ELP2: variants seen among roughly 807,000 people sequenced by gnomAD.
ELP2 encodes elongator complex protein 2.
A neutral mutation model predicts 119.2 loss-of-function variants in ELP2; 90 were observed. That is an observed-to-expected ratio of 0.75 (90% confidence interval 0.64 to 0.90). ELP2 has a LOEUF of 0.90. ELP2 is among the 40% of genes least tolerant of loss of function. The pLI is 0.00. For synonymous variants in ELP2, 339 were observed against 331.0 expected, an observed-to-expected ratio of 1.02 and a Z score of -0.26; for missense variants, 921 against 967.8, an observed-to-expected ratio of 0.95 and a Z score of 0.64.
intron 11 of ELP2, among the ~76,000 whole-genome samples, chr18:36,149,673 G>A (rs2090335804): frequency 6.6e-6 from 1 of 151,820 alleles, no homozygotes; most frequent in Non-Finnish European, 1.5e-5. Context: ...CCTTTGGTAA[G>A]AACCGCATAG....
intron 1 of ELP2, among the ~76,000 whole-genome samples, chr18:36,131,679 G>C (rs1785903): frequency 0.37 from 56,005 of 152,104 alleles, 10,419 homozygotes; most frequent in Middle Eastern, 0.44. Flanking sequence ...CAAACTTGCC[G>C]CTATATCACA....
At chr18:36,172,375 C>T (rs1301999436) in intron 21 of ELP2, among the ~76,000 whole-genome samples, 2 of 152,166 alleles carry the variant, frequency 1.3e-5, no homozygotes. Context: ...TTTCAAATAG[C>T]AATTTCAAAT....
intron 5 of ELP2, among the ~76,000 whole-genome samples, chr18:36,139,139 G>A (rs2089934505): frequency 6.6e-6 from 1 of 152,170 alleles, no homozygotes; most frequent in South Asian, 2.1e-4. Flanking sequence ...CAAATATACT[G>A]TGGATGTATA....
chr18:36,169,440 G>GT (rs2091010716), intron 19 of ELP2, among the ~76,000 whole-genome samples: 1 of 150,398 alleles, frequency 6.6e-6, no homozygotes, highest in Non-Finnish European at 1.5e-5. Flanking sequence ...AGGCTGGAGT[G>GT]CAGTGGCACG....
intron 21 of ELP2, among the ~76,000 whole-genome samples, chr18:36,173,999 A>G (rs921919618): frequency 1.3e-5 from 2 of 152,224 alleles, no homozygotes; most frequent in African/African-American, 4.8e-5. Flanking sequence ...TTCATTGTGC[A>G]GTACATTAAA....
chr18:36,174,464 ATTTCTCTATCT>A lies in ELP2; in HGVS notation c.2325-18_2325-8del. 1.9e-6 allele frequency: 3 copies of A among 1,611,168 alleles called. No individual in the cohort carries two copies. The highest frequency in any genetic ancestry group is 1.7e-6 in the Non-Finnish European group (2 of 1,177,964). On this transcript the variant is annotated splice_polypyrimidine_tract_variant and intron_variant, in intron 21 of 21. Coordinates refer to ENST00000358232, the MANE Select transcript of ELP2 (RefSeq NM_018255.4). ...CCATTAATTGGAAAAACATTTCATG[ATTTCTCTATCT>A]TTGTTTTAGCCAAAGTCATACACTG...
intron 11 of ELP2, among the ~76,000 whole-genome samples, chr18:36,148,671 C>A (rs1241893653): frequency 6.6e-6 from 1 of 152,148 alleles, no homozygotes; most frequent in Non-Finnish European, 1.5e-5. Context: ...CCAGCCTGGG[C>A]AACATAGGGA....
chr18:36,173,959 G>A (rs911085516), intron 21 of ELP2, among the ~76,000 whole-genome samples: 2 of 152,198 alleles, frequency 1.3e-5, no homozygotes, highest in African/African-American at 2.4e-5. Context: ...AGGTCACGCA[G>A]TTAGAGGTCA....
chr18:36,145,835 A>G (rs1208784697), intron 9 of ELP2, 113 bp from the exon 10 acceptor site: 9 of 897,090 alleles, frequency 1.0e-5, no homozygotes, highest in African/African-American at 1.6e-5. Flanking sequence ...TGCTATTACA[A>G]ATAATGTGCA....
chr18:36,137,089 C>T (rs181872267), intron 3 of ELP2: 2 of 152,166 alleles, frequency 1.3e-5, no homozygotes, highest in South Asian at 2.1e-4. Context: ...GCAGAGTTAA[C>T]TTTCTGGTGA....
rs2091284699 is a variant in ELP2, at chr18:36,179,283, G to C, written c.*4642G>C. 7.4e-6 allele frequency: 1 copy of C among 134,474 alleles called. No individual in the cohort carries two copies. Among genetic ancestry groups the C allele is most frequent in the African/African-American group, 2.8e-5 (1 of 35,608 alleles). 8.3% of individuals were successfully genotyped at this position (134,474 alleles called of 1,614,324 possible). On this transcript the variant is annotated 3_prime_UTR_variant, in exon 22 of 22. Transcript: ENST00000358232. ...TCGAGACCAGCCTGGCCAACATGGTGAAACCCCATCTCTACTAAAAATACA... is the reference window on the plus strand; with the variant it reads ...TCGAGACCAGCCTGGCCAACATGGTCAAACCCCATCTCTACTAAAAATACA...
intron 4 of ELP2, 141 bp downstream of exon 4, chr18:36,138,567 G>A (rs2089914105): frequency 9.3e-7 from 1 of 1,076,546 alleles, no homozygotes; most frequent in Non-Finnish European, 1.3e-6. Flanking sequence ...TTTTTCTTTT[G>A]CACTTATTTA....
intron 19 of ELP2, among the ~76,000 whole-genome samples, chr18:36,168,540 A>C (rs527468117): frequency 6.6e-6 from 1 of 152,204 alleles, no homozygotes; most frequent in East Asian, 1.9e-4. Flanking sequence ...AGTGCTGAGC[A>C]AAAGGGGGAA....
intron 1 of ELP2, among the ~76,000 whole-genome samples, chr18:36,130,822 C>A (rs2089588154): frequency 6.6e-6 from 1 of 152,154 alleles, no homozygotes; most frequent in Non-Finnish European, 1.5e-5. Flanking sequence ...AAATACAACG[C>A]AGGAGATGGC....
chr18:36,166,319 G>GTTTTTTTTTTTTTTTTTTTTTTTTT (rs60477950), intron 18 of ELP2, among the ~76,000 whole-genome samples: 1 of 71,692 alleles, frequency 1.4e-5, no homozygotes, highest in African/African-American at 5.6e-5. Flanking sequence ...GTTTTTTAGG[G>GTTTTTTTTTTTTTTTTTTTTTTTTT]TTTTTTTTTT....
chr18:36,166,319 GTTTTTTTTTTTT>G lies in ELP2; in HGVS notation c.1955-765_1955-754del, dbSNP rs60477950. On this transcript the variant is annotated intron_variant, in intron 18 of 21. Transcript: ENST00000358232. ...AGTTATGTGGTTTTTGTTTTTTAGG[GTTTTTTTTTTTT>G]TTTTTTTTTTTTTTTTCAGACGGAG... Among the ~76,000 whole-genome samples, 234 of 71,688 alleles carry G rather than the reference GTTTTTTTTTTTT, an allele frequency of 3.3e-3. 4 individuals carry two copies. The highest frequency in any genetic ancestry group is 0.012 in the African/African-American group (221 of 17,964). 47.0% of individuals were successfully genotyped at this position (71,688 alleles called of 152,430 possible).
At chr18:36,146,929 G>T (rs779483830) in intron 11 of ELP2, among the ~76,000 whole-genome samples, 3 of 152,044 alleles carry the variant, frequency 2.0e-5, no homozygotes, top group Non-Finnish European at 2.9e-5. Flanking sequence ...CTTCTAATCT[G>T]CTTCTAGCTT....
At chr18:36,171,282 TTTG>T (rs1056707715) in intron 21 of ELP2, 122 bp downstream of exon 21, 2 of 723,220 alleles carry the variant, frequency 2.8e-6, no homozygotes, top group African/African-American at 1.7e-5. Flanking sequence ...TGTCTACCAC[TTTG>T]TTTTGTGGTA....
At chr18:36,137,409 A>G (rs895841607) in intron 3 of ELP2, among the ~76,000 whole-genome samples, 6 of 152,212 alleles carry the variant, frequency 3.9e-5, no homozygotes, top group Non-Finnish European at 7.3e-5. Flanking sequence ...ACCCTTATAC[A>G]TGAGTATTAT....
Sources: gnomAD v4.1 joint callset for allele counts (sites outside exome capture counted in the v4.1 genomes callset) on GRCh38, gnomAD v4.1.1 for gene constraint, MANE v1.5 for transcripts, NCBI Gene and HGNC (gene_info 2026-07-23, HGNC 2026-07-21) for gene names.